The following INPP4B variants were observed in gnomAD, a reference collection of about 807,000 sequenced individuals.
The protein encoded by INPP4B is inositol polyphosphate 4-phosphatase type II.
Under a neutral mutation model 122.5 loss-of-function variants are expected in INPP4B, and 55 were observed. That is an observed-to-expected ratio of 0.45 (90% CI 0.36 to 0.56). The LOEUF (loss-of-function observed/expected upper bound fraction) is 0.56, where lower values mean the gene tolerates loss of function less well. Among genes scored for constraint, INPP4B ranks in the 20% least tolerant of loss-of-function variants. The pLI is 0.00. For missense variants in INPP4B, 1,000 were observed against 1,097.7 expected, an observed-to-expected ratio of 0.91 and a Z score of 1.26; for synonymous variants, 403 against 388.7, an observed-to-expected ratio of 1.04 and a Z score of -0.43.
At chr4:142,172,907 A>G (rs10010617) in intron 16 of INPP4B, among the ~76,000 whole-genome samples, 1 of 151,856 alleles carries the variant, frequency 6.6e-6, no homozygotes, top group African/African-American at 2.4e-5. Context: ...GCACACATTG[A>G]AAGTGGACAC....
At chr4:142,450,509 A>C (rs1813898967) in intron 3 of INPP4B, among the ~76,000 whole-genome samples, 1 of 152,190 alleles carries the variant, frequency 6.6e-6, no homozygotes, top group Non-Finnish European at 1.5e-5. Context: ...CTCCTTGGAA[A>C]TACCAAATCA....
At chr4:142,592,126 A>T (rs984257319) in intron 2 of INPP4B, among the ~76,000 whole-genome samples, 1 of 152,206 alleles carries the variant, frequency 6.6e-6, no homozygotes, top group Non-Finnish European at 1.5e-5. Flanking sequence ...TACCTGTCCA[A>T]CTTTTCTGAA....
intron 2 of INPP4B, among the ~76,000 whole-genome samples, chr4:142,587,618 T>G (rs1413755489): frequency 6.6e-6 from 1 of 152,146 alleles, no homozygotes. Flanking sequence ...ATGCAATGCA[T>G]AATAATCACA....
At chr4:142,547,953 T>C (rs1244494708) in intron 2 of INPP4B, among the ~76,000 whole-genome samples, 1 of 152,158 alleles carries the variant, frequency 6.6e-6, no homozygotes, top group Non-Finnish European at 1.5e-5. Flanking sequence ...CATGTTTTAT[T>C]TGAGAGCTTG....
chr4:142,108,187 A>T lies in INPP4B; in HGVS notation c.2280T>A (p.Phe760Leu). ...INEQQTLAERFGDVSLQESIN... is the reference protein window; with the variant it reads ...INEQQTLAERLGDVSLQESIN... ...TACTTTCTTGCAAAGAGACATCTCC[A>T]AACCTACAAACAGAAAAAAGAAAAC... is the stretch of plus-strand genomic sequence containing the variant. Residue 760 changes from phenylalanine to leucine, a missense_variant, in exon 23 of 26, where the codon TTT (phenylalanine) becomes TTA (leucine). Physicochemically the swap from Phe to Leu is conservative, Grantham distance 22. Coordinates refer to ENST00000262992, the MANE Select transcript of INPP4B (RefSeq NM_001101669.3). The T allele has an allele frequency of 6.4e-7, 1 of 1,569,960 alleles. No homozygotes were observed. The highest frequency in any genetic ancestry group is 8.8e-7 in the Non-Finnish European group (1 of 1,142,486).
At chr4:142,541,528 T>C (rs1424984407) in intron 2 of INPP4B, among the ~76,000 whole-genome samples, 12 of 152,176 alleles carry the variant, frequency 7.9e-5, no homozygotes, top group African/African-American at 2.9e-4. Flanking sequence ...CTTTTTTTCT[T>C]TAAATATTTG....
At chr4:142,778,541 A>G (rs1009575023) in intron 1 of INPP4B, among the ~76,000 whole-genome samples, 2 of 151,948 alleles carry the variant, frequency 1.3e-5, no homozygotes, top group Admixed American at 6.6e-5. Context: ...CTCTTAATAA[A>G]CCCATCATTA....
chr4:142,130,356 T>C (rs1054459172), intron 18 of INPP4B, among the ~76,000 whole-genome samples: 1 of 151,974 alleles, frequency 6.6e-6, no homozygotes, highest in Admixed American at 6.6e-5. Flanking sequence ...CACTCAGTGA[T>C]TTGGAGAAGG....
intron 14 of INPP4B, among the ~76,000 whole-genome samples, chr4:142,206,380 T>C (rs2149496682): frequency 6.7e-6 from 1 of 150,112 alleles, no homozygotes; most frequent in South Asian, 2.1e-4. Flanking sequence ...TTCAGTTCTT[T>C]CACTTGACAT....
intron 23 of INPP4B, among the ~76,000 whole-genome samples, chr4:142,106,392 C>A (rs1025709158): frequency 6.6e-6 from 1 of 152,130 alleles, no homozygotes; most frequent in Admixed American, 6.6e-5. Flanking sequence ...CATACTCCCA[C>A]CCCTCAGCGT....
At chr4:142,479,664 A>G (rs1820258423) in intron 2 of INPP4B, among the ~76,000 whole-genome samples, 1 of 152,146 alleles carries the variant, frequency 6.6e-6, no homozygotes, top group African/African-American at 2.4e-5. Flanking sequence ...TAAGCAGCAA[A>G]TGAACGGAGC....
intron 23 of INPP4B, among the ~76,000 whole-genome samples, chr4:142,100,539 TC>T (rs987076557): frequency 1.3e-3 from 191 of 152,272 alleles, no homozygotes; most frequent in African/African-American, 4.3e-3. Flanking sequence ...TTCTTAGACT[TC>T]TTGATTTCCT....
rs184046400 is a variant in INPP4B, at chr4:142,527,299, A to G, written c.-190-64573T>C. 3.8e-3 allele frequency among the ~76,000 whole-genome samples: 572 copies of G among 152,020 alleles called. 4 individuals are homozygous for G. The highest frequency in any genetic ancestry group is 0.013 in the African/African-American group (541 of 41,536). ...GTATATTTAAATCATATTCAAATTC[A>G]TACCAGAACCTTTTTATAGAATTTA... On this transcript the variant is annotated intron_variant, in intron 2 of 25. Transcript: ENST00000262992.
chr4:142,628,761 C>T (rs1747202005), intron 2 of INPP4B, among the ~76,000 whole-genome samples: 1 of 151,934 alleles, frequency 6.6e-6, no homozygotes, highest in African/African-American at 2.4e-5. Flanking sequence ...AAGATATATT[C>T]ATTCTCTATG....
In INPP4B at chr4:142,749,274, A is replaced by G. The variant is rs1216596716; in HGVS notation, c.-253-23373T>C. 2.0e-5 allele frequency among the ~76,000 whole-genome samples: 3 copies of G among 147,156 alleles called. No individual in the cohort carries two copies. In the Admixed American group the frequency reaches 2.1e-4, roughly 10 times the overall value. On this transcript the variant is annotated intron_variant, in intron 1 of 25. Transcript: ENST00000262992. ...TTACCATATATAATATATATTATAT[A>G]ATGTCTTACCATATATATATAAAAC...
intron 2 of INPP4B, among the ~76,000 whole-genome samples, chr4:142,470,181 TA>T (rs201607184): frequency 2.0e-5 from 3 of 150,484 alleles, no homozygotes; most frequent in Admixed American, 6.6e-5. Flanking sequence ...TTCCCTAGTT[TA>T]AAAAAAAATA....
chr4:142,114,480 T>A (rs1258846490), intron 21 of INPP4B, among the ~76,000 whole-genome samples: 1 of 152,130 alleles, frequency 6.6e-6, no homozygotes, highest in African/African-American at 2.4e-5. Context: ...AAGGAAATGG[T>A]ATCTGTGATT....
Position 142,133,903 on chromosome 4 carries a change from A to G in INPP4B, c.1721-9143T>C, listed in dbSNP as rs549248468. ...TGAGACCTACATCGCCTACTCCACT[A>G]AACTGCAATCTCTACCCTACAACAT... On this transcript the variant is annotated intron_variant, in intron 18 of 25. Transcript: ENST00000262992. 1.4e-4 allele frequency among the ~76,000 whole-genome samples: 22 copies of G among 152,318 alleles called. 2 individuals carry two copies. The South Asian group carries it at 4.6e-3, about 32-fold the overall frequency.
rs114377812 is a variant in INPP4B at position 142,682,001 on chromosome 4, T to G, written c.-191+43838A>C. Among the ~76,000 whole-genome samples the G allele has an allele frequency of 8.6e-3, 1,311 of 152,018 alleles. 24 individuals carry two copies. The highest frequency in any genetic ancestry group is 0.03 in the African/African-American group (1,243 of 41,514). ...TCCTCTTCAACGTGCAAATTTAATCTTAATGTACACCTTTGGGATGTTTGT... is the reference window on the plus strand; with the variant it reads ...TCCTCTTCAACGTGCAAATTTAATCGTAATGTACACCTTTGGGATGTTTGT... On this transcript the variant is annotated intron_variant, in intron 2 of 25. Transcript: ENST00000262992.
Sources: gnomAD v4.1 joint callset for allele counts (sites outside exome capture counted in the v4.1 genomes callset) on GRCh38, gnomAD v4.1.1 for gene constraint, MANE v1.5 for transcripts, NCBI Gene and HGNC (gene_info 2026-07-23, HGNC 2026-07-21) for gene names.